The following HTR1F variants were observed in gnomAD, a reference collection of about 807,000 sequenced individuals.
HTR1F encodes the protein 5-hydroxytryptamine (serotonin) receptor 1F, G protein-coupled.
HTR1F carries 17 observed loss-of-function variants against 24.0 expected under a neutral mutation model. The ratio of observed to expected loss-of-function variants is 0.71; its 90% CI spans 0.48 to 1.06. The LOEUF (loss-of-function observed/expected upper bound fraction) is 1.06, where lower values mean the gene tolerates loss of function less well. HTR1F is among the 50% of genes least tolerant of loss of function. The pLI is 0.00. For missense variants in HTR1F, 391 were observed against 427.8 expected, an observed-to-expected ratio of 0.91 and a Z score of 0.76; for synonymous variants, 186 against 156.8, an observed-to-expected ratio of 1.19 and a Z score of -1.39.
At chr3:87,939,988 C>G (rs1251074391) in intron 2 of HTR1F, among the ~76,000 whole-genome samples, 1 of 152,176 alleles carries the variant, frequency 6.6e-6, no homozygotes, top group African/African-American at 2.4e-5. Flanking sequence ...CCTGCATTCT[C>G]CTGTGAGCAT....
At chr3:87,885,793 G>T (rs1341327799) in intron 2 of HTR1F, among the ~76,000 whole-genome samples, 2 of 152,126 alleles carry the variant, frequency 1.3e-5, no homozygotes, top group African/African-American at 4.8e-5. Flanking sequence ...AAACCAGGAA[G>T]AAGTTGAATC....
At chr3:87,801,254 TCTTTC>T (rs1358070787) in intron 1 of HTR1F, among the ~76,000 whole-genome samples, 2 of 152,230 alleles carry the variant, frequency 1.3e-5, no homozygotes, top group Non-Finnish European at 2.9e-5. Flanking sequence ...TTAGCTTCAG[TCTTTC>T]CTTTCTTTTT....
chr3:87,947,624 A>G (rs1433519143), intron 2 of HTR1F, among the ~76,000 whole-genome samples: 1 of 152,198 alleles, frequency 6.6e-6, no homozygotes, highest in Non-Finnish European at 1.5e-5. Flanking sequence ...ACTCGACCCC[A>G]AAAGGCCAGC....
chr3:87,816,474 A>G (rs1704252707), intron 1 of HTR1F, among the ~76,000 whole-genome samples: 1 of 152,080 alleles, frequency 6.6e-6, no homozygotes, highest in Non-Finnish European at 1.5e-5. Context: ...AACATTCTTT[A>G]CAATCTAGCC....
intron 2 of HTR1F, among the ~76,000 whole-genome samples, chr3:87,945,343 T>C (rs940292591): frequency 2.6e-5 from 4 of 152,074 alleles, no homozygotes; most frequent in African/African-American, 9.7e-5. Context: ...TACAACTTGC[T>C]AGAGGAAATG....
intron 2 of HTR1F, among the ~76,000 whole-genome samples, chr3:87,931,346 A>G (rs148303102): frequency 0.033 from 4,961 of 151,964 alleles, 245 homozygotes; most frequent in African/African-American, 0.11. Flanking sequence ...ATGATTTCCA[A>G]TTTCATCCAT....
intron 2 of HTR1F, among the ~76,000 whole-genome samples, chr3:87,846,348 C>A (rs1704943421): frequency 1.3e-5 from 2 of 151,840 alleles, no homozygotes; most frequent in African/African-American, 4.9e-5. Context: ...GCAGCAGAAT[C>A]TTTTGAACCT....
Position 87,978,346 on chromosome 3 carries a change from T to A in HTR1F, c.-42-12362T>A, listed in dbSNP as rs138696732. Among the ~76,000 whole-genome samples the A allele has an allele frequency of 3.3e-3, 505 of 152,250 alleles. 3 individuals are homozygous for A. Among genetic ancestry groups the A allele is most frequent in the African/African-American group, 0.011 (446 of 41,534 alleles). ...GTCGGGGAGCTGTGTTTCAGTCCTGTTTGTGTTACAGCTCTTTCATTTGAC... is the reference window on the plus strand; with the variant it reads ...GTCGGGGAGCTGTGTTTCAGTCCTGATTGTGTTACAGCTCTTTCATTTGAC... On this transcript the variant is annotated intron_variant, in intron 2 of 2. Coordinates refer to ENST00000319595, the MANE Select transcript of HTR1F (RefSeq NM_001322209.2).
At chr3:87,905,966 G>A (rs961436764) in intron 2 of HTR1F, among the ~76,000 whole-genome samples, 1 of 152,008 alleles carries the variant, frequency 6.6e-6, no homozygotes, top group Non-Finnish European at 1.5e-5. Context: ...GGAAAAAAGG[G>A]GGACTTTAGG....
chr3:87,961,520 G>T (rs1326329693), intron 2 of HTR1F, among the ~76,000 whole-genome samples: 1 of 151,994 alleles, frequency 6.6e-6, no homozygotes, highest in Non-Finnish European at 1.5e-5. Context: ...CCAGCATGTT[G>T]GGAGGCCTAG....
intron 2 of HTR1F, among the ~76,000 whole-genome samples, chr3:87,945,246 G>A (rs543826108): frequency 2.0e-5 from 3 of 152,006 alleles, no homozygotes; most frequent in South Asian, 2.1e-4. Flanking sequence ...CACCTAAATC[G>A]GGAGGGACAC....
At chr3:87,927,396 C>T (rs559571066) in intron 2 of HTR1F, among the ~76,000 whole-genome samples, 1 of 152,200 alleles carries the variant, frequency 6.6e-6, no homozygotes, top group African/African-American at 2.4e-5. Flanking sequence ...TAAAAATATG[C>T]TCAGCAGTCC....
chr3:87,797,396 C>G (rs1394521677), intron 1 of HTR1F, among the ~76,000 whole-genome samples: 1 of 152,138 alleles, frequency 6.6e-6, no homozygotes, highest in Non-Finnish European at 1.5e-5. Context: ...TCTGCAAAGT[C>G]TGCTAAGCTA....
At position 87,873,129 on chromosome 3, in the gene HTR1F, C is replaced by CAG. The variant is rs1430122473; in HGVS notation, c.-43+51006_-43+51007insGA. Among the ~76,000 whole-genome samples the CAG allele has an allele frequency of 2.3e-3, 252 of 111,912 alleles. 1 individual carries two copies. The highest frequency in any genetic ancestry group is 7.1e-3 in the African/African-American group (222 of 31,348). 73.4% of individuals were successfully genotyped at this position (111,912 alleles called of 152,430 possible). ...ACACACACACACACACACACACACA[C>CAG]ACACAGAGAGATTTATGAGATTTAT... On this transcript the variant is annotated intron_variant, in intron 2 of 2. Coordinates refer to ENST00000319595, the MANE Select transcript of HTR1F (RefSeq NM_001322209.2).
chr3:87,905,340 A>C (rs1301158839), intron 2 of HTR1F, among the ~76,000 whole-genome samples: 1 of 151,978 alleles, frequency 6.6e-6, no homozygotes, highest in Non-Finnish European at 1.5e-5. Context: ...TTGTGTAAAA[A>C]AAAAACACCA....
chr3:87,886,716 T>A (rs1183607412), intron 2 of HTR1F, among the ~76,000 whole-genome samples: 1 of 152,092 alleles, frequency 6.6e-6, no homozygotes, highest in Non-Finnish European at 1.5e-5. Flanking sequence ...AAATCATGAC[T>A]GAACACCCAT....
chr3:87,982,073 C>T (rs1705556439), intron 2 of HTR1F, among the ~76,000 whole-genome samples: 1 of 152,088 alleles, frequency 6.6e-6, no homozygotes, highest in Non-Finnish European at 1.5e-5. Context: ...CAGGCAACTG[C>T]CACCACACCT....
intron 2 of HTR1F, among the ~76,000 whole-genome samples, chr3:87,934,791 T>A (rs1419435715): frequency 9.9e-5 from 15 of 152,238 alleles, no homozygotes; most frequent in Admixed American, 9.2e-4. Context: ...CTAAGCAATT[T>A]ACCTCACAGC....
rs541049649 is a variant in HTR1F, at chr3:87,867,422, G to A, written c.-43+45298G>A. 2.0e-4 allele frequency among the ~76,000 whole-genome samples: 31 copies of A among 151,594 alleles called. 2 individuals carry two copies. The highest frequency in any genetic ancestry group is 6.5e-4 in the African/African-American group (27 of 41,412). ...CACACCCAAGCAGATCTCTTCAGAA[G>A]AGTTAAAATGGGGGGAAAAAACAAG... On this transcript the variant is annotated intron_variant, in intron 2 of 2. Transcript: ENST00000319595.
Sources: gnomAD v4.1 joint callset for allele counts (sites outside exome capture counted in the v4.1 genomes callset) on GRCh38, gnomAD v4.1.1 for gene constraint, MANE v1.5 for transcripts, NCBI Gene and HGNC (gene_info 2026-07-23, HGNC 2026-07-21) for gene names.